The following FAAH2 variants were observed in gnomAD, a reference collection of about 807,000 sequenced individuals.
The protein encoded by FAAH2 is fatty-acid amide hydrolase 2.
A neutral mutation model predicts 36.9 loss-of-function variants in FAAH2; 60 were observed. The observed-to-expected ratio is 1.63, with a 90% CI of 1.32 to 2.02. FAAH2 has a LOEUF of 2.02. Ranked by LOEUF, FAAH2 falls within the 30% of genes most tolerant of loss-of-function variation. The pLI is 0.00. For missense variants in FAAH2, 689 were observed against 397.5 expected, an observed-to-expected ratio of 1.73 and a Z score of -6.23; for synonymous variants, 214 against 143.8, an observed-to-expected ratio of 1.49 and a Z score of -3.49.
the FAAH2 span, among the ~76,000 whole-genome samples, chrX:57,154,896 T>A: frequency 9.0e-6 from 1 of 111,050 alleles, no homozygotes; most frequent in Non-Finnish European, 1.9e-5. Flanking sequence ...CTCTTTTTCC[T>A]GGGGATGTGG....
chrX:57,234,252 A>C, the FAAH2 span, among the ~76,000 whole-genome samples: 1 of 111,593 alleles, frequency 9.0e-6, no homozygotes, highest in South Asian at 3.8e-4. Flanking sequence ...AATGTCAAAA[A>C]GCAGCACACC....
the FAAH2 span, among the ~76,000 whole-genome samples, chrX:57,250,532 C>T: frequency 3.6e-5 from 4 of 110,689 alleles, no homozygotes; most frequent in Non-Finnish European, 7.6e-5. Flanking sequence ...AAAAATAGTG[C>T]GTTTGTTAGG....
chrX:57,275,627 G>A, the FAAH2 span, among the ~76,000 whole-genome samples: 1 of 112,120 alleles, frequency 8.9e-6, no homozygotes, highest in East Asian at 2.8e-4. Flanking sequence ...GACAAAGACT[G>A]GCAAATTGGA....
At chrX:57,389,961 T>C (rs1160873170) in intron 7 of FAAH2, among the ~76,000 whole-genome samples, 1 of 110,614 alleles carries the variant, frequency 9.0e-6, no homozygotes, top group East Asian at 2.8e-4. Flanking sequence ...TTTTTTTTTT[T>C]CATATACCTA....
At chrX:57,198,514 T>C in the FAAH2 span, among the ~76,000 whole-genome samples, 1 of 112,523 alleles carries the variant, frequency 8.9e-6, no homozygotes, top group Non-Finnish European at 1.9e-5. Flanking sequence ...TGAGAAAGCA[T>C]GCATGGCTGT....
At chrX:57,367,234 A>C (rs1478974403) in intron 5 of FAAH2, among the ~76,000 whole-genome samples, 1 of 112,584 alleles carries the variant, frequency 8.9e-6, no homozygotes, top group Non-Finnish European at 1.9e-5. Context: ...TTAACTTAGG[A>C]TCTGTCAGAG....
At chrX:57,217,417 C>A in the FAAH2 span, among the ~76,000 whole-genome samples, 2 of 111,405 alleles carry the variant, frequency 1.8e-5, no homozygotes, top group African/African-American at 6.5e-5. Context: ...AGTTTTAGGT[C>A]TTAGGTTTAA....
At chrX:57,375,526 C>T (rs1192235037) in intron 5 of FAAH2, among the ~76,000 whole-genome samples, 1 of 110,230 alleles carries the variant, frequency 9.1e-6, no homozygotes, top group Non-Finnish European at 1.9e-5. Flanking sequence ...GGTGTTCATA[C>T]TAGCCTTGTG....
At chrX:57,260,832 A>G in the FAAH2 span, among the ~76,000 whole-genome samples, 2 of 111,475 alleles carry the variant, frequency 1.8e-5, no homozygotes, top group African/African-American at 6.5e-5. Flanking sequence ...AGTGCAAATT[A>G]AAATTTTAAT....
the FAAH2 span, among the ~76,000 whole-genome samples, chrX:57,216,584 ATATG>A: frequency 3.6e-3 from 132 of 36,198 alleles, 7 homozygotes; most frequent in Middle Eastern, 0.016. Flanking sequence ...ATATATATGT[ATATG>A]TATATATATG....
At chrX:57,202,755 G>A in the FAAH2 span, among the ~76,000 whole-genome samples, 2 of 112,146 alleles carry the variant, frequency 1.8e-5, no homozygotes, top group Non-Finnish European at 3.8e-5. Context: ...GGGAAAGTCT[G>A]TAGATGTCAT....
intron 8 of FAAH2, among the ~76,000 whole-genome samples, chrX:57,437,665 TTAA>T (rs1439207575): frequency 9.6e-6 from 1 of 104,536 alleles, no homozygotes; most frequent in Non-Finnish European, 2.0e-5. Context: ...TCCTTGTTAA[TTAA>T]TAAGATGAAA....
chrX:57,470,872 C>T (rs901717312), intron 10 of FAAH2, among the ~76,000 whole-genome samples: 2 of 111,534 alleles, frequency 1.8e-5, no homozygotes, highest in Non-Finnish European at 3.8e-5. Context: ...CCGAATCCAG[C>T]AGCACATAAA....
the FAAH2 span, chrX:57,121,617 C>T: frequency 8.9e-6 from 1 of 112,711 alleles, no homozygotes; most frequent in African/African-American, 3.2e-5. Context: ...CCCGGCTCTC[C>T]TCTCCACCAG....
At chrX:57,460,791 A>T (rs1223642689) in intron 10 of FAAH2, among the ~76,000 whole-genome samples, 1 of 112,071 alleles carries the variant, frequency 8.9e-6, no homozygotes, top group African/African-American at 3.2e-5. Flanking sequence ...AATCAATTTC[A>T]CACACAACAA....
the FAAH2 span, among the ~76,000 whole-genome samples, chrX:57,131,332 G>T: frequency 9.1e-6 from 1 of 109,814 alleles, no homozygotes; most frequent in African/African-American, 3.3e-5. Context: ...TGATCCACCC[G>T]CCTCGGCCTC....
At chrX:57,227,652 A>T in the FAAH2 span, among the ~76,000 whole-genome samples, 1 of 111,521 alleles carries the variant, frequency 9.0e-6, no homozygotes, top group Non-Finnish European at 1.9e-5. Context: ...CACTTTCCAG[A>T]AAACATCAGC....
At chrX:57,316,863 G>A (rs2052854990) in intron 3 of FAAH2, among the ~76,000 whole-genome samples, 1 of 111,326 alleles carries the variant, frequency 9.0e-6, no homozygotes, top group South Asian at 3.8e-4. Context: ...TAAAGCTATT[G>A]CAACTAAATG....
At chrX:57,192,552 T>A in the FAAH2 span, among the ~76,000 whole-genome samples, 1 of 111,373 alleles carries the variant, frequency 9.0e-6, no homozygotes, top group Admixed American at 9.6e-5. Context: ...ATGCTTTCAG[T>A]TTTTCCACAT....
Sources: gnomAD v4.1 joint callset for allele counts (sites outside exome capture counted in the v4.1 genomes callset) on GRCh38, gnomAD v4.1.1 for gene constraint, MANE v1.5 for transcripts, NCBI Gene and HGNC (gene_info 2026-07-23, HGNC 2026-07-21) for gene names.